KCNQ1OT1: variants seen among roughly 807,000 people sequenced by gnomAD.
KCNQ1OT1 encodes KCNQ1 opposite strand/antisense transcript 1, also known as KCNQ1 antisense RNA 2 (non-protein coding).
exon 1 of KCNQ1OT1, chr11:2,667,383 A>G (rs959299832): frequency 2.3e-5 from 9 of 398,674 alleles, no homozygotes; most frequent in African/African-American, 8.2e-5. Context: ...ACCCTGCCCC[A>G]GTGCACTCTG....
Position 2,679,385 on chromosome 11 carries a change from C to A in KCNQ1OT1, n.20610G>T, listed in dbSNP as rs1198084780. The A allele has an allele frequency of 3.0e-5, 12 of 398,500 alleles. No homozygotes were observed. In the East Asian group the frequency reaches 3.6e-4, roughly 12 times the overall value. 24.7% of individuals were successfully genotyped at this position (398,500 alleles called of 1,614,324 possible). On this transcript the variant is annotated non_coding_transcript_exon_variant, in exon 1 of 1. Transcript: ENST00000597346. This position sits in a 1 kb window ranked among gnomAD's most constrained non-coding sequence, Gnocchi z 4.8. ...TGAGTGAGTCACTTAGTCTCAGTTTCTTTATTTGTAAAATGGGAATCATAA... is the reference window on the plus strand; with the variant it reads ...TGAGTGAGTCACTTAGTCTCAGTTTATTTATTTGTAAAATGGGAATCATAA...
At chr11:2,616,938 G>A (rs1196370188) in exon 1 of KCNQ1OT1, 1 of 395,568 alleles carries the variant, frequency 2.5e-6, no homozygotes, top group East Asian at 3.6e-5. Flanking sequence ...TTGGGCTTCT[G>A]TCTGGCTGTA....
chr11:2,650,086 A>G (rs1236128840), exon 1 of KCNQ1OT1: 2 of 398,110 alleles, frequency 5.0e-6, no homozygotes, highest in South Asian at 1.3e-4. Context: ...GAAGCTTTCA[A>G]TTGTATTTTT....
chr11:2,661,933 A>G lies in KCNQ1OT1; in HGVS notation n.38062T>C. 1 of 1,614,048 alleles carries G rather than the reference A, an allele frequency of 6.2e-7. No individual in the cohort carries two copies. The highest frequency in any genetic ancestry group is 2.2e-5 in the East Asian group (1 of 44,882). On this transcript the variant is annotated non_coding_transcript_exon_variant, in exon 1 of 1. Transcript: ENST00000597346. This position sits in a 1 kb window ranked among gnomAD's most constrained non-coding sequence, Gnocchi z 5.9. ...ACTGGCAGGTTGGGTGGGAGGCCTAACGTGCTGTCCCCACACTTTCTCCTC... is the reference window on the plus strand; with the variant it reads ...ACTGGCAGGTTGGGTGGGAGGCCTAGCGTGCTGTCCCCACACTTTCTCCTC...
Position 2,612,270 on chromosome 11 carries a change from G to T in KCNQ1OT1, n.87725C>A. 2.5e-6 allele frequency: 1 copy of T among 398,588 alleles called. No homozygotes were observed. The highest frequency in any genetic ancestry group is 1.3e-4 in the South Asian group (1 of 7,834). The allele number at this position is 398,588 out of a possible 1,614,324, so 24.7% of individuals were successfully genotyped here. A position where few individuals can be genotyped will look rare whatever the true frequency, so the allele number is the denominator to read the frequency against. On this transcript the variant is annotated non_coding_transcript_exon_variant, in exon 1 of 1. Transcript: ENST00000597346. This position sits in a 1 kb window ranked among gnomAD's most constrained non-coding sequence, Gnocchi z 5.5. ...CAGAGAGCAAATCCTATTGTGAACTGAGCATGTGAGGGATCTAGGTTGTGC... is the reference window on the plus strand; with the variant it reads ...CAGAGAGCAAATCCTATTGTGAACTTAGCATGTGAGGGATCTAGGTTGTGC...
rs899067916 is a variant in KCNQ1OT1, at chr11:2,658,007, T to A, written n.41988A>T. Reference sequence around the variant, plus strand: ...CCTCCACTGTAAGTGAATAGCTGTTTTTCCCTTTCCATAGCTTAGTCTTTA... The same window carrying A: ...CCTCCACTGTAAGTGAATAGCTGTTATTCCCTTTCCATAGCTTAGTCTTTA... On this transcript the variant is annotated non_coding_transcript_exon_variant, in exon 1 of 1. Transcript: ENST00000597346. This position sits in a 1 kb window ranked among gnomAD's most constrained non-coding sequence, Gnocchi z 4.9. The A allele has an allele frequency of 1.8e-5, 7 of 398,502 alleles. No individual in the cohort carries two copies. Among genetic ancestry groups the A allele is most frequent in the African/African-American group, 6.2e-5 (3 of 48,634 alleles). 24.7% of individuals were successfully genotyped at this position (398,502 alleles called of 1,614,324 possible).
At position 2,624,547 on chromosome 11, in the gene KCNQ1OT1, G is replaced by A. The variant is rs1276617793; in HGVS notation, n.75448C>T. ...TTATCTTCTGGGATTTCTATTTGTTGTTGATTTCCAAATCTTTTATTGTGG... is the reference window on the plus strand; with the variant it reads ...TTATCTTCTGGGATTTCTATTTGTTATTGATTTCCAAATCTTTTATTGTGG... On this transcript the variant is annotated non_coding_transcript_exon_variant, in exon 1 of 1. Coordinates refer to ENST00000597346, the Ensembl canonical transcript of KCNQ1OT1. The surrounding 1 kb of genome is among the most constrained non-coding windows in gnomAD (Gnocchi z 4.9). 1 of 398,316 alleles carries A rather than the reference G, an allele frequency of 2.5e-6. No homozygotes were observed. The highest frequency in any genetic ancestry group is 4.4e-6 in the Non-Finnish European group (1 of 225,958). The allele number at this position is 398,316 out of a possible 1,614,324, so 24.7% of individuals were successfully genotyped here. A position where few individuals can be genotyped will look rare whatever the true frequency, so the allele number is the denominator to read the frequency against.
chr11:2,623,965 G>A lies in KCNQ1OT1; in HGVS notation n.76030C>T, dbSNP rs1849219067. ...GAACCACCAAACTCTTCTCCACCAG[G>A]GCTGCACCACTTTACATTCCCATTA... On this transcript the variant is annotated non_coding_transcript_exon_variant, in exon 1 of 1. Coordinates refer to ENST00000597346, the Ensembl canonical transcript of KCNQ1OT1. The surrounding 1 kb of genome is among the most constrained non-coding windows in gnomAD (Gnocchi z 5.2). 1 of 398,400 alleles carries A rather than the reference G, an allele frequency of 2.5e-6. No homozygotes were observed. Among genetic ancestry groups the A allele is most frequent in the Non-Finnish European group, 4.4e-6 (1 of 226,082 alleles). 24.7% of individuals were successfully genotyped at this position (398,400 alleles called of 1,614,324 possible). A position where few individuals can be genotyped will look rare whatever the true frequency, so the allele number is the denominator to read the frequency against.
chr11:2,694,486 G>A (rs937102696), exon 1 of KCNQ1OT1: 6 of 398,492 alleles, frequency 1.5e-5, no homozygotes, highest in Middle Eastern at 6.2e-4. Flanking sequence ...CCTGTCCCAA[G>A]CATTACCAGT....
Position 2,651,778 on chromosome 11 carries a change from G to C in KCNQ1OT1, n.48217C>G, listed in dbSNP as rs1849759990. 5.0e-6 allele frequency: 2 copies of C among 398,574 alleles called. No homozygotes were observed. The allele number at this position is 398,574 out of a possible 1,614,324, so 24.7% of individuals were successfully genotyped here. The stretch of plus-strand genomic sequence containing the variant: ...AAATTCCTCAAGTGTTGACCATTTT[G>C]ATTCCTGGGCCCCTTAAGAGTCCAT... On this transcript the variant is annotated non_coding_transcript_exon_variant, in exon 1 of 1. Coordinates refer to ENST00000597346, the Ensembl canonical transcript of KCNQ1OT1. The surrounding 1 kb of genome is among the most constrained non-coding windows in gnomAD (Gnocchi z 6.1).
At chr11:2,646,681 C>T (rs1015443017) in exon 1 of KCNQ1OT1, 25 of 398,482 alleles carry the variant, frequency 6.3e-5, no homozygotes, top group Middle Eastern at 6.2e-4. Flanking sequence ...CAGGCCACCA[C>T]GCCCAGCTCA....
chr11:2,677,338 T>C lies in KCNQ1OT1; in HGVS notation n.22657A>G, dbSNP rs1349312705. 7.5e-6 allele frequency: 3 copies of C among 398,450 alleles called. No individual in the cohort carries two copies. In the Admixed American group the frequency reaches 1.3e-4, roughly 18 times the overall value. 24.7% of individuals were successfully genotyped at this position (398,450 alleles called of 1,614,324 possible). A position where few individuals can be genotyped will look rare whatever the true frequency, so the allele number is the denominator to read the frequency against. Reference sequence around the variant, plus strand: ...AAATGATGTCAAATGATTTCTCAAATAGAGACTGGGCAGAGTAGACCAGTT... The same window carrying C: ...AAATGATGTCAAATGATTTCTCAAACAGAGACTGGGCAGAGTAGACCAGTT... On this transcript the variant is annotated non_coding_transcript_exon_variant, in exon 1 of 1. Coordinates refer to ENST00000597346, the Ensembl canonical transcript of KCNQ1OT1. The surrounding 1 kb of genome is among the most constrained non-coding windows in gnomAD (Gnocchi z 4.5).
exon 1 of KCNQ1OT1, chr11:2,672,928 G>A: frequency 2.5e-6 from 1 of 398,724 alleles, no homozygotes; most frequent in Non-Finnish European, 4.4e-6. Flanking sequence ...GGCCATGCAG[G>A]CCCACCACAG....
exon 1 of KCNQ1OT1, chr11:2,693,541 A>C: frequency 5.0e-6 from 2 of 398,558 alleles, no homozygotes; most frequent in Non-Finnish European, 8.8e-6. Flanking sequence ...GCTGCTAGGG[A>C]GGTTGAGCCC....
rs1044243112 is a variant in KCNQ1OT1, at chr11:2,668,334, T to C, written n.31661A>G. ...GGGAATATATGCCTATGTGTGGAGC[T>C]GCAGGGTCCTGGGTGGGCATATGTT... On this transcript the variant is annotated non_coding_transcript_exon_variant, in exon 1 of 1. Transcript: ENST00000597346. The surrounding 1 kb of genome is among the most constrained non-coding windows in gnomAD (Gnocchi z 4.3). The C allele has an allele frequency of 5.3e-5, 21 of 398,530 alleles. No homozygotes were observed. Among genetic ancestry groups the C allele is most frequent in the Non-Finnish European group, 8.8e-5 (20 of 226,094 alleles). The allele number at this position is 398,530 out of a possible 1,614,324, so 24.7% of individuals were successfully genotyped here. A position where few individuals can be genotyped will look rare whatever the true frequency, so the allele number is the denominator to read the frequency against.
Position 2,651,267 on chromosome 11 carries a change from C to T in KCNQ1OT1, n.48728G>A. On this transcript the variant is annotated non_coding_transcript_exon_variant, in exon 1 of 1. Transcript: ENST00000597346. This position sits in a 1 kb window ranked among gnomAD's most constrained non-coding sequence, Gnocchi z 6.1. ...TTCAGGAATTAAGCTGTGCTGGTCA[C>T]TTATTGAGAAAGAGCTTCATGGTGG... 1 of 398,656 alleles carries T rather than the reference C, an allele frequency of 2.5e-6. No homozygotes were observed. Among genetic ancestry groups the T allele is most frequent in the Non-Finnish European group, 4.4e-6 (1 of 226,090 alleles). The allele number at this position is 398,656 out of a possible 1,614,324, so 24.7% of individuals were successfully genotyped here.
rs2133835164 is a variant in KCNQ1OT1 at position 2,645,224 on chromosome 11, TG to T, written n.54770del. ...ATGAGCTTGTCCCAAGGCCCACAGG[TG>T]GCAAATTCAAGTGAATGCCAGTTGT... On this transcript the variant is annotated non_coding_transcript_exon_variant, in exon 1 of 1. Coordinates refer to ENST00000597346, the Ensembl canonical transcript of KCNQ1OT1. The surrounding 1 kb of genome is among the most constrained non-coding windows in gnomAD (Gnocchi z 5.8). 2.5e-6 allele frequency: 1 copy of T among 398,578 alleles called. No individual in the cohort carries two copies. The highest frequency in any genetic ancestry group is 4.4e-6 in the Non-Finnish European group (1 of 226,102). The allele number at this position is 398,578 out of a possible 1,614,324, so 24.7% of individuals were successfully genotyped here.
chr11:2,657,072 T>C lies in KCNQ1OT1; in HGVS notation n.42923A>G, dbSNP rs138968764. 2.2e-4 allele frequency: 87 copies of C among 398,640 alleles called. No individual in the cohort carries two copies. Among genetic ancestry groups the C allele is most frequent in the African/African-American group, 1.2e-3 (60 of 48,748 alleles). The allele number at this position is 398,640 out of a possible 1,614,324, so 24.7% of individuals were successfully genotyped here. A position where few individuals can be genotyped will look rare whatever the true frequency, so the allele number is the denominator to read the frequency against. ...TTTCCCAATGCTCAATCCTGTCCCA[T>C]TGGCCTATTTGTCTCTCCCTGTGTC... is the stretch of plus-strand genomic sequence containing the variant. On this transcript the variant is annotated non_coding_transcript_exon_variant, in exon 1 of 1. Transcript: ENST00000597346. The surrounding 1 kb of genome is among the most constrained non-coding windows in gnomAD (Gnocchi z 4.8).
Position 2,613,706 on chromosome 11 carries a change from A to G in KCNQ1OT1, n.86289T>C, listed in dbSNP as rs1438240990. On this transcript the variant is annotated non_coding_transcript_exon_variant, in exon 1 of 1. Transcript: ENST00000597346. The surrounding 1 kb of genome is among the most constrained non-coding windows in gnomAD (Gnocchi z 4.8). ...CTATCTTGTTAATTTTATTTTTTGAATACATATAACATTAACATACTTCCA... is the reference window on the plus strand; with the variant it reads ...CTATCTTGTTAATTTTATTTTTTGAGTACATATAACATTAACATACTTCCA... The G allele has an allele frequency of 4.3e-5, 17 of 398,394 alleles. No individual in the cohort carries two copies. The highest frequency in any genetic ancestry group is 3.5e-4 in the Admixed American group (8 of 22,706). 24.7% of individuals were successfully genotyped at this position (398,394 alleles called of 1,614,324 possible).
Sources: allele counts gnomAD v4.1 joint callset, GRCh38; gene constraint gnomAD v4.1.1; non-coding constraint Gnocchi (gnomAD v3.1); transcripts MANE v1.5; gene names NCBI Gene and HGNC (gene_info 2026-07-23, HGNC 2026-07-21).